CDKL1: variants seen among roughly 807,000 people sequenced by gnomAD.
The protein encoded by CDKL1 is cyclin dependent kinase like 1.
Under a neutral mutation model 42.0 loss-of-function variants are expected in CDKL1, and 41 were observed. The observed-to-expected ratio is 0.98, with a 90% CI of 0.76 to 1.27. The LOEUF (loss-of-function observed/expected upper bound fraction) is 1.27, where lower values mean the gene tolerates loss of function less well. Among genes scored for constraint, CDKL1 ranks in the 50% most tolerant of loss-of-function variants. The pLI is 0.00. For synonymous variants in CDKL1, 153 were observed against 158.6 expected, an observed-to-expected ratio of 0.96 and a Z score of 0.26; for missense variants, 394 against 428.4, an observed-to-expected ratio of 0.92 and a Z score of 0.71.
At position 50,396,036 on chromosome 14, in the gene CDKL1, AT is replaced by A; in HGVS notation, c.-169del. 9.8e-7 allele frequency: 1 copy of A among 1,015,286 alleles called. No individual in the cohort carries two copies. The highest frequency in any genetic ancestry group is 1.4e-6 in the Non-Finnish European group (1 of 731,372). The allele number at this position is 1,015,286 out of a possible 1,614,324, so 62.9% of individuals were successfully genotyped here. ...TCCGTCTCTACTAAAGATACAAAAA[AT>A]TAGCCGGGTGTGGTGATGGGCGCCC... On this transcript the variant is annotated 5_prime_UTR_variant, in exon 2 of 10. Transcript: ENST00000395834.
At chr14:50,371,818 G>A (rs1338223692) in intron 2 of CDKL1, among the ~76,000 whole-genome samples, 1 of 152,200 alleles carries the variant, frequency 6.6e-6, no homozygotes, top group African/African-American at 2.4e-5. Context: ...ACCCCTGCAG[G>A]CTCAGAAGTG....
At chr14:50,382,008 A>G (rs1412543170) in intron 2 of CDKL1, among the ~76,000 whole-genome samples, 1 of 152,236 alleles carries the variant, frequency 6.6e-6, no homozygotes, top group African/African-American at 2.4e-5. Flanking sequence ...AAGATTTTCA[A>G]CCAGGCAATT....
Position 50,359,019 on chromosome 14 carries a change from A to C in CDKL1, c.290+9T>G. On this transcript the variant is annotated intron_variant, in intron 3 of 9. Transcript: ENST00000395834. ...TCTTTGTTTTGCTTGTAAGGGATGG[A>C]TCACTCACCCTCTTTGGTATCTGTC... is the stretch of plus-strand genomic sequence containing the variant. The C allele has an allele frequency of 1.2e-6, 2 of 1,608,214 alleles. No individual in the cohort carries two copies. Among genetic ancestry groups the C allele is most frequent in the Non-Finnish European group, 1.7e-6 (2 of 1,176,520 alleles).
chr14:50,356,038 A>G (rs1193994704), intron 3 of CDKL1, among the ~76,000 whole-genome samples: 1 of 152,178 alleles, frequency 6.6e-6, no homozygotes, highest in East Asian at 1.9e-4. Context: ...ATTTTAAGAA[A>G]TCTGTACTTA....
intron 2 of CDKL1, among the ~76,000 whole-genome samples, chr14:50,386,658 G>T (rs1453234969): frequency 6.6e-6 from 1 of 151,924 alleles, no homozygotes; most frequent in Non-Finnish European, 1.5e-5. Context: ...CATGTTGGGG[G>T]TCATGCCTGT....
intron 2 of CDKL1, chr14:50,378,206 G>A: frequency 2.2e-6 from 3 of 1,366,378 alleles, no homozygotes; most frequent in Non-Finnish European, 2.9e-6. Context: ...CTCACATGAT[G>A]CAGGTGCCTC....
At position 50,329,055 on chromosome 14, in the gene CDKL1, A is replaced by T. The variant is rs1453319098; in HGVS notation, c.*1019T>A. The T allele has an allele frequency of 1.3e-5, 2 of 149,172 alleles. No homozygotes were observed. Among genetic ancestry groups the T allele is most frequent in the Non-Finnish European group, 3.0e-5 (2 of 67,472 alleles). 9.2% of individuals were successfully genotyped at this position (149,172 alleles called of 1,614,324 possible). ...GAATAGCATATATATATATATATAT[A>T]TATATATACATACACATACATACAC... On this transcript the variant is annotated 3_prime_UTR_variant, in exon 10 of 10. Coordinates refer to ENST00000395834, the MANE Select transcript of CDKL1 (RefSeq NM_004196.7).
At chr14:50,362,937 A>C in intron 2 of CDKL1, 1 of 462,844 alleles carries the variant, frequency 2.2e-6, no homozygotes, top group Non-Finnish European at 4.5e-6. Context: ...CACTCTTTGC[A>C]ATAAATCTTG....
chr14:50,341,663 C>G (rs1018605674), intron 5 of CDKL1, among the ~76,000 whole-genome samples: 1 of 151,914 alleles, frequency 6.6e-6, no homozygotes, highest in Non-Finnish European at 1.5e-5. Context: ...TGCCTGTAGT[C>G]CCAGCAATTC....
intron 5 of CDKL1, 49 bp downstream of exon 5, chr14:50,342,083 A>G (rs2033563106): frequency 7.0e-7 from 1 of 1,427,426 alleles, no homozygotes; most frequent in South Asian, 1.2e-5. Context: ...TGTTGTATCA[A>G]GAACTTTTTC....
intron 3 of CDKL1, chr14:50,357,981 C>T (rs578208167): frequency 3.3e-6 from 4 of 1,218,184 alleles, no homozygotes; most frequent in Middle Eastern, 3.2e-4. Flanking sequence ...CCTGAAAACA[C>T]CCAGCTGAGG....
chr14:50,382,381 G>A (rs1595366054), intron 2 of CDKL1, among the ~76,000 whole-genome samples: 1 of 152,170 alleles, frequency 6.6e-6, no homozygotes, highest in Admixed American at 6.5e-5. Context: ...AACCCGGGAG[G>A]TGGAGCTTGC....
intron 2 of CDKL1, among the ~76,000 whole-genome samples, chr14:50,382,689 G>C (rs548919774): frequency 2.0e-4 from 30 of 151,872 alleles, no homozygotes; most frequent in Admixed American, 9.8e-4. Flanking sequence ...GACCTTCCAG[G>C]CTTAGGTGAT....
At chr14:50,374,639 A>C (rs2034679035) in intron 2 of CDKL1, among the ~76,000 whole-genome samples, 1 of 152,228 alleles carries the variant, frequency 6.6e-6, no homozygotes, top group Non-Finnish European at 1.5e-5. Flanking sequence ...ATAGTTGAAG[A>C]CATCAGTATG....
intron 2 of CDKL1, among the ~76,000 whole-genome samples, chr14:50,367,589 C>T (rs1031972700): frequency 1.3e-5 from 2 of 152,220 alleles, no homozygotes; most frequent in Admixed American, 1.3e-4. Flanking sequence ...ACATGATGGA[C>T]AAACTGTTAC....
chr14:50,328,949 G>A lies in CDKL1; in HGVS notation c.*1125C>T, dbSNP rs1180774087. 2 of 149,718 alleles carry A rather than the reference G, an allele frequency of 1.3e-5. No homozygotes were observed. The highest frequency in any genetic ancestry group is 2.5e-5 in the African/African-American group (1 of 40,734). The allele number at this position is 149,718 out of a possible 1,614,324, so 9.3% of individuals were successfully genotyped here. ...AACACATATATATATATGTGTGTGT[G>A]TGTCATCATTTTAAGTCTCACTGTG... On this transcript the variant is annotated 3_prime_UTR_variant, in exon 10 of 10. Transcript: ENST00000395834.
chr14:50,394,005 G>A (rs2035331469), intron 2 of CDKL1, among the ~76,000 whole-genome samples: 1 of 152,186 alleles, frequency 6.6e-6, no homozygotes, highest in Admixed American at 6.5e-5. Context: ...TAGAGCTACA[G>A]AGGCAAGGTC....
Position 50,342,171 on chromosome 14 carries a change from C to G in CDKL1, c.415G>C (p.Val139Leu), listed in dbSNP as rs752698010. 6 of 1,613,928 alleles carry G rather than the reference C, an allele frequency of 3.7e-6. No homozygotes were observed. The East Asian group carries it at 1.1e-4, about 30-fold the overall frequency. ...AATCCAAAGTCACAAAGCTTAATCA[C>G]GGAATGTTTCGTGATGAGGATATTT... ...PENILITKHSVIKLCDFGFAR... is the reference protein window; with the variant it reads ...PENILITKHSLIKLCDFGFAR... The change falls in exon 5 of 10, where the codon GTG becomes CTG. Residue 139 changes from valine (V) to leucine (L), a missense_variant. Physicochemically the swap from Val to Leu is conservative, Grantham distance 32. Coordinates refer to ENST00000395834, the MANE Select transcript of CDKL1 (RefSeq NM_004196.7).
intron 2 of CDKL1, among the ~76,000 whole-genome samples, chr14:50,366,412 G>A (rs1453302759): frequency 6.6e-6 from 1 of 152,178 alleles, no homozygotes; most frequent in Non-Finnish European, 1.5e-5. Flanking sequence ...AGACAGTGTG[G>A]CTGGTGGGTG....
Sources: gnomAD v4.1 joint callset for allele counts (sites outside exome capture counted in the v4.1 genomes callset) on GRCh38, gnomAD v4.1.1 for gene constraint, MANE v1.5 for transcripts, NCBI Gene and HGNC (gene_info 2026-07-23, HGNC 2026-07-21) for gene names.